SLC12A1: variants seen among roughly 807,000 people sequenced by gnomAD.
SLC12A1 encodes the protein Na-K-2Cl cotransporter.
Under a neutral mutation model 130.4 loss-of-function variants are expected in SLC12A1, and 89 were observed. That is an observed-to-expected ratio of 0.68 (90% CI 0.58 to 0.81). The LOEUF is 0.81. Ranked by LOEUF, SLC12A1 falls within the 40% of genes least tolerant of loss-of-function variation. SLC12A1 has a pLI of 0.00. For synonymous variants in SLC12A1, 499 were observed against 460.0 expected (o/e 1.08, Z -1.09); for missense variants, 1,310 against 1,336.4 (o/e 0.98, Z 0.31).
In SLC12A1 at chr15:48,288,054, A is replaced by C; in HGVS notation, c.2641A>C (p.Asn881His). The change falls in exon 22 of 27, where the codon AAC becomes CAC. Residue 881 changes from asparagine to histidine, a missense_variant. Asn to His is a moderately conservative substitution (Grantham distance 68). Coordinates refer to ENST00000380993, the MANE Select transcript of SLC12A1 (RefSeq NM_000338.3). The part of the protein sequence containing the change: ...KTTPKKDGSI[N>H]TSQSMHVGEF... ...CTCTTTCGTTTCAGATGGCAGCATTAACACAAGCCAGTCGATGCATGTGGG... is the reference window on the plus strand; with the variant it reads ...CTCTTTCGTTTCAGATGGCAGCATTCACACAAGCCAGTCGATGCATGTGGG... 3 of 1,610,376 alleles carry C rather than the reference A, an allele frequency of 1.9e-6. No individual in the cohort carries two copies. In the Middle Eastern group the frequency reaches 5.0e-4, roughly 266 times the overall value.
At chr15:48,210,910 A>C (rs1474690384) in intron 2 of SLC12A1, among the ~76,000 whole-genome samples, 1 of 152,074 alleles carries the variant, frequency 6.6e-6, no homozygotes, top group East Asian at 1.9e-4. Context: ...ACACAGTAGG[A>C]ATGTTATAGC....
Position 48,226,504 on chromosome 15 carries a change from C to T in SLC12A1, c.657C>T (p.Ser219=), listed in dbSNP as rs1467459145. The part of the protein sequence containing the change: ...IGLGVLIILL[S]TMVTSITGLS... ...TTGGAGTTCTCATAATTCTTCTTTC[C>T]ACCATGGTAACTTCTATTACTGGGT... Residue 219 remains serine, a synonymous_variant, in exon 5 of 27, where the codon TCC becomes TCT. Coordinates refer to ENST00000380993, the MANE Select transcript of SLC12A1 (RefSeq NM_000338.3). The T allele has an allele frequency of 6.2e-7, 1 of 1,600,490 alleles. No individual in the cohort carries two copies. Among genetic ancestry groups the T allele is most frequent in the Non-Finnish European group, 8.5e-7 (1 of 1,174,348 alleles).
chr15:48,207,296 C>T (rs1273163629), intron 1 of SLC12A1, among the ~76,000 whole-genome samples: 5 of 152,152 alleles, frequency 3.3e-5, no homozygotes, highest in African/African-American at 4.8e-5. Flanking sequence ...GCAAATACTA[C>T]AAACACAGGT....
At chr15:48,282,595 C>T (rs955084383) in intron 20 of SLC12A1, among the ~76,000 whole-genome samples, 1 of 151,756 alleles carries the variant, frequency 6.6e-6, no homozygotes, top group African/African-American at 2.4e-5. Context: ...CCTGCAATAC[C>T]CCAGAAGACA....
At chr15:48,209,779 G>A (rs1031366289) in intron 2 of SLC12A1, among the ~76,000 whole-genome samples, 5 of 152,096 alleles carry the variant, frequency 3.3e-5, no homozygotes, top group African/African-American at 1.2e-4. Flanking sequence ...CTGACTCTGG[G>A]TCCTACCACC....
At position 48,220,919 on chromosome 15, in the gene SLC12A1, AG is replaced by A. The variant is rs768475004; in HGVS notation, c.553del. 24 of 1,613,742 alleles carry A rather than the reference AG, an allele frequency of 1.5e-5. No individual in the cohort carries two copies. The highest frequency in any genetic ancestry group is 3.4e-6 in the Non-Finnish European group (4 of 1,179,740). On this transcript the variant is annotated splice_acceptor_variant, in intron 3 of 26. Coordinates refer to ENST00000380993, the MANE Select transcript of SLC12A1 (RefSeq NM_000338.3). LOFTEE classifies it high-confidence loss of function. ...TCCTTTCAATACCGCTTCTATCCACAGGTAAGATGCATGCTGAACATCTGGG... is the reference window on the plus strand; with the variant it reads ...TCCTTTCAATACCGCTTCTATCCACAGTAAGATGCATGCTGAACATCTGGG...
chr15:48,273,929 C>G (rs2041923862), intron 19 of SLC12A1, among the ~76,000 whole-genome samples: 1 of 152,168 alleles, frequency 6.6e-6, no homozygotes, highest in Non-Finnish European at 1.5e-5. Flanking sequence ...AAACATTTAT[C>G]TCTTAAACTT....
intron 2 of SLC12A1, among the ~76,000 whole-genome samples, chr15:48,215,910 C>T (rs754897719): frequency 2.0e-5 from 3 of 152,164 alleles, no homozygotes; most frequent in Non-Finnish European, 4.4e-5. Flanking sequence ...GAATGAATTG[C>T]ACAACCAAAA....
intron 9 of SLC12A1, chr15:48,237,121 T>G: frequency 1.5e-6 from 1 of 673,288 alleles, no homozygotes. Flanking sequence ...AGAAATTGCC[T>G]GTCCCCTCAA....
rs1395053394 is a variant in SLC12A1 at position 48,231,241 on chromosome 15, ACCAC to A, written c.975+739_975+742del. ...TTCAACAAAAATTAAGTTAGTGCCT[ACCAC>A]ATGTTGAGCATTCTTCTAGGCACTG... On this transcript the variant is annotated intron_variant, in intron 7 of 26. Transcript: ENST00000380993. Among the ~76,000 whole-genome samples the A allele has an allele frequency of 3.3e-5, 5 of 152,346 alleles. No homozygotes were observed. In the East Asian group the frequency reaches 9.6e-4, roughly 29 times the overall value.
intron 2 of SLC12A1, among the ~76,000 whole-genome samples, chr15:48,209,298 C>T (rs1254026546): frequency 6.6e-6 from 1 of 152,104 alleles, no homozygotes; most frequent in Non-Finnish European, 1.5e-5. Flanking sequence ...AACTCCCAAC[C>T]TCAGGTGATC....
intron 15 of SLC12A1, among the ~76,000 whole-genome samples, chr15:48,253,782 T>C (rs778716147): frequency 2.6e-5 from 4 of 152,234 alleles, no homozygotes; most frequent in Admixed American, 6.5e-5. Context: ...CTACAAGCCA[T>C]GAATGAGAGT....
chr15:48,221,484 C>A, intron 4 of SLC12A1: 1 of 662,052 alleles, frequency 1.5e-6, no homozygotes, highest in South Asian at 1.7e-5. Flanking sequence ...CGGGTACCAG[C>A]AGTAAGAAAA....
intron 13 of SLC12A1, among the ~76,000 whole-genome samples, chr15:48,249,078 G>A (rs948961395): frequency 1.3e-5 from 2 of 152,126 alleles, no homozygotes; most frequent in African/African-American, 4.8e-5. Flanking sequence ...CTAGCCTTCA[G>A]AGGTAGAACT....
intron 6 of SLC12A1, 122 bp downstream of exon 6, chr15:48,229,450 G>C: frequency 1.1e-6 from 1 of 946,412 alleles, no homozygotes; most frequent in South Asian, 1.9e-5. Flanking sequence ...ATAGTGGAAG[G>C]AGCCTGGGCT....
chr15:48,298,926 G>T (rs573709052), intron 24 of SLC12A1, among the ~76,000 whole-genome samples: 121 of 152,294 alleles, frequency 7.9e-4, no homozygotes, highest in Non-Finnish European at 1.1e-3. Flanking sequence ...GGCTAACAAG[G>T]CCTTGAACAC....
At chr15:48,251,247 C>A (rs1046844293) in intron 14 of SLC12A1, among the ~76,000 whole-genome samples, 1 of 151,848 alleles carries the variant, frequency 6.6e-6, no homozygotes, top group Non-Finnish European at 1.5e-5. Context: ...TTTCTCCTCC[C>A]CACCTGGTAG....
At chr15:48,293,405 T>G (rs1223992559) in intron 24 of SLC12A1, among the ~76,000 whole-genome samples, 1 of 152,268 alleles carries the variant, frequency 6.6e-6, no homozygotes, top group Non-Finnish European at 1.5e-5. Context: ...ATTTAATACA[T>G]TTGATTTCAT....
intron 10 of SLC12A1, among the ~76,000 whole-genome samples, chr15:48,241,813 T>C (rs1321217705): frequency 6.6e-6 from 1 of 152,078 alleles, no homozygotes; most frequent in Admixed American, 6.6e-5. Flanking sequence ...AGGGCTAGAG[T>C]AAAGCTAATC....
Sources: allele counts gnomAD v4.1 joint callset (sites outside exome capture counted in the v4.1 genomes callset), GRCh38; gene constraint gnomAD v4.1.1; transcripts MANE v1.5; gene names NCBI Gene and HGNC (gene_info 2026-07-23, HGNC 2026-07-21).